KCNQ5: variants seen among roughly 807,000 people sequenced by gnomAD.
The protein encoded by KCNQ5 is potassium voltage-gated channel subfamily Q member 5.
A neutral mutation model predicts 98.2 loss-of-function variants in KCNQ5; 30 were observed. The observed-to-expected ratio is 0.31, with a 90% confidence interval of 0.23 to 0.41. The LOEUF (loss-of-function observed/expected upper bound fraction) is 0.41. Among genes scored for constraint, KCNQ5 ranks in the 10% least tolerant of loss-of-function variants. The probability of loss-of-function intolerance (pLI) is 1.00; values close to 1 mark genes in which losing one functional copy is unlikely to be tolerated. For synonymous variants in KCNQ5, 458 were observed against 449.4 expected (o/e 1.02, Z -0.24); for missense variants, 835 against 1,182.5 (o/e 0.71, Z 4.31).
At chr6:72,703,011 T>C (rs980408478) in intron 1 of KCNQ5, among the ~76,000 whole-genome samples, 13 of 152,186 alleles carry the variant, frequency 8.5e-5, no homozygotes, top group African/African-American at 3.1e-4. Context: ...CTGCCTTCTG[T>C]CCTCTGCGCA....
chr6:72,908,416 T>G (rs1024552107), intron 1 of KCNQ5, among the ~76,000 whole-genome samples: 2 of 152,136 alleles, frequency 1.3e-5, no homozygotes, highest in African/African-American at 2.4e-5. Context: ...TTCTTCACTA[T>G]AGTAACTCTT....
intron 1 of KCNQ5, among the ~76,000 whole-genome samples, chr6:72,808,748 A>G (rs1205658147): frequency 6.6e-6 from 1 of 151,932 alleles, no homozygotes; most frequent in Non-Finnish European, 1.5e-5. Context: ...GGGGTTCGAG[A>G]CCAGTCTGAC....
chr6:72,925,100 C>T lies in KCNQ5; in HGVS notation c.399-78808C>T, dbSNP rs149249541. Reference sequence around the variant, plus strand: ...ATGGACCTACTGTTGAAAATTCTCTCTCAGTAAAACATTAGCACCTCTTAA... The same window carrying T: ...ATGGACCTACTGTTGAAAATTCTCTTTCAGTAAAACATTAGCACCTCTTAA... On this transcript the variant is annotated intron_variant, in intron 1 of 13. Coordinates refer to ENST00000370398, the MANE Select transcript of KCNQ5 (RefSeq NM_019842.4). 5.4e-3 allele frequency among the ~76,000 whole-genome samples: 827 copies of T among 152,248 alleles called. 8 individuals carry two copies. The highest frequency in any genetic ancestry group is 0.019 in the African/African-American group (804 of 41,546).
At chr6:72,633,012 T>C (rs927008407) in intron 1 of KCNQ5, among the ~76,000 whole-genome samples, 1 of 152,232 alleles carries the variant, frequency 6.6e-6, no homozygotes, top group African/African-American at 2.4e-5. Flanking sequence ...TCCAAATTGC[T>C]TTCCACAGTG....
chr6:73,102,707 T>C (rs1479611216), intron 5 of KCNQ5, among the ~76,000 whole-genome samples: 3 of 152,132 alleles, frequency 2.0e-5, no homozygotes, highest in Admixed American at 1.3e-4. Context: ...CTCACTCCAG[T>C]AAATGACAGG....
In KCNQ5 at chr6:72,776,055, G is replaced by A. The variant is rs568366971; in HGVS notation, c.398+153468G>A. 3.3e-5 allele frequency among the ~76,000 whole-genome samples: 5 copies of A among 152,192 alleles called. No individual in the cohort carries two copies. The South Asian group carries it at 1.0e-3, about 32-fold the overall frequency. On this transcript the variant is annotated intron_variant, in intron 1 of 13. Transcript: ENST00000370398. ...ACTAATGTAATATGTTAGCAATAGG[G>A]GAACTTAGTACAGGATGTACTAGAA...
chr6:73,072,345 T>C (rs771894776), intron 3 of KCNQ5, among the ~76,000 whole-genome samples: 6 of 152,224 alleles, frequency 3.9e-5, no homozygotes, highest in Non-Finnish European at 8.8e-5. Flanking sequence ...TTAGTTCTTT[T>C]CATTGTGATT....
intron 1 of KCNQ5, among the ~76,000 whole-genome samples, chr6:72,639,583 A>G (rs2098926104): frequency 6.6e-6 from 1 of 152,250 alleles, no homozygotes; most frequent in Middle Eastern, 3.4e-3. Context: ...TCCAGAAGAG[A>G]GGGTGATATT....
At chr6:72,660,050 C>A (rs549124017) in intron 1 of KCNQ5, among the ~76,000 whole-genome samples, 2 of 152,104 alleles carry the variant, frequency 1.3e-5, no homozygotes, top group Non-Finnish European at 2.9e-5. Context: ...CAGGGCAAAC[C>A]TTTTAAAACC....
intron 1 of KCNQ5, among the ~76,000 whole-genome samples, chr6:72,843,973 A>G (rs1359186400): frequency 2.6e-5 from 4 of 152,120 alleles, no homozygotes; most frequent in Non-Finnish European, 4.4e-5. Context: ...ACATGGACAC[A>G]GGGAGGGGAA....
intron 1 of KCNQ5, among the ~76,000 whole-genome samples, chr6:72,865,928 C>G (rs780394341): frequency 3.3e-5 from 5 of 152,150 alleles, no homozygotes; most frequent in African/African-American, 4.8e-5. Context: ...TTCCTGGAAC[C>G]ATACTGCCTG....
chr6:73,091,348 G>A (rs1297008174), intron 5 of KCNQ5, among the ~76,000 whole-genome samples: 1 of 152,120 alleles, frequency 6.6e-6, no homozygotes, highest in Non-Finnish European at 1.5e-5. Flanking sequence ...GGGAGGGATA[G>A]CATTAGGAGA....
chr6:72,804,200 A>T (rs1774829023), intron 1 of KCNQ5, among the ~76,000 whole-genome samples: 1 of 152,120 alleles, frequency 6.6e-6, no homozygotes, highest in African/African-American at 2.4e-5. Flanking sequence ...CATTATTTTT[A>T]AATATCCAAT....
chr6:72,901,169 T>C (rs545952807), intron 1 of KCNQ5, among the ~76,000 whole-genome samples: 2 of 129,344 alleles, frequency 1.5e-5, no homozygotes, highest in South Asian at 5.7e-4. Flanking sequence ...GTGTGTGATG[T>C]TCCCCTTCCC....
intron 1 of KCNQ5, among the ~76,000 whole-genome samples, chr6:72,997,437 G>T (rs1285192097): frequency 6.6e-6 from 1 of 151,924 alleles, no homozygotes; most frequent in Non-Finnish European, 1.5e-5. Flanking sequence ...CATGTAAAAT[G>T]CAATATTTCA....
In KCNQ5 at chr6:73,027,308, G is replaced by T. The variant is rs139471387; in HGVS notation, c.490-14628G>T. Reference sequence around the variant, plus strand: ...TGGTCCAGCTTGTCATGCTTTGCTAGGCTAAGGGCTGCCTCCACAGATTGC... The same window carrying T: ...TGGTCCAGCTTGTCATGCTTTGCTATGCTAAGGGCTGCCTCCACAGATTGC... On this transcript the variant is annotated intron_variant, in intron 2 of 13. Coordinates refer to ENST00000370398, the MANE Select transcript of KCNQ5 (RefSeq NM_019842.4). Among the ~76,000 whole-genome samples, 275 of 152,288 alleles carry T rather than the reference G, an allele frequency of 1.8e-3. 2 individuals carry two copies. The highest frequency in any genetic ancestry group is 6.5e-3 in the African/African-American group (270 of 41,556).
At chr6:72,779,960 A>G (rs888676764) in intron 1 of KCNQ5, among the ~76,000 whole-genome samples, 1 of 151,852 alleles carries the variant, frequency 6.6e-6, no homozygotes, top group African/African-American at 2.4e-5. Flanking sequence ...TGGGCATCCC[A>G]AAGTGCTGGG....
At position 73,195,422 on chromosome 6, in the gene KCNQ5, ATT is replaced by A. The variant is rs1765754636; in HGVS notation, c.*11_*12del. The A allele has an allele frequency of 2.5e-6, 4 of 1,608,278 alleles. No individual in the cohort carries two copies. Among genetic ancestry groups the A allele is most frequent in the South Asian group, 1.1e-5 (1 of 90,998 alleles). The stretch of plus-strand genomic sequence containing the variant: ...CATGTCAAACTGAAATAAGTTCTTC[ATT>A]TTCTTTCCAGGCATAGCAGTTCTTT... On this transcript the variant is annotated 3_prime_UTR_variant, in exon 14 of 14. Coordinates refer to ENST00000370398, the MANE Select transcript of KCNQ5 (RefSeq NM_019842.4).
At chr6:72,897,652 C>T (rs1405409899) in intron 1 of KCNQ5, among the ~76,000 whole-genome samples, 2 of 151,964 alleles carry the variant, frequency 1.3e-5, no homozygotes, top group Non-Finnish European at 2.9e-5. Context: ...AACAAACGAA[C>T]AAACAAAAAT....
Sources: gnomAD v4.1 joint callset for allele counts (sites outside exome capture counted in the v4.1 genomes callset) on GRCh38, gnomAD v4.1.1 for gene constraint, MANE v1.5 for transcripts, NCBI Gene and HGNC (gene_info 2026-07-23, HGNC 2026-07-21) for gene names.